Variants in RBM23 observed in about 807,000 individuals in gnomAD.
RBM23 encodes RNA binding motif protein 23, also known as probable RNA-binding protein 23.
Under a neutral mutation model 56.2 loss-of-function variants are expected in RBM23, and 53 were observed. The observed-to-expected ratio is 0.94, with a 90% CI of 0.76 to 1.19. The LOEUF is 1.19. Among genes scored for constraint, RBM23 ranks in the 50% most tolerant of loss-of-function variants. The pLI, the probability that RBM23 is intolerant of heterozygous loss-of-function variation, is 0.00. For synonymous variants in RBM23, 197 were observed against 198.5 expected (o/e 0.99, Z 0.06); for missense variants, 642 against 590.3 (o/e 1.09, Z -0.91).
At chr14:22,909,091 T>A (rs2042049730) in intron 3 of RBM23, among the ~76,000 whole-genome samples, 1 of 152,030 alleles carries the variant, frequency 6.6e-6, no homozygotes, top group Non-Finnish European at 1.5e-5. Flanking sequence ...TACAGGAGCC[T>A]GCCACCGCGC....
intron 1 of RBM23, chr14:22,917,502 T>C (rs1191488315): frequency 6.6e-6 from 1 of 152,218 alleles, no homozygotes; most frequent in African/African-American, 2.4e-5. Flanking sequence ...TTTCTAGATG[T>C]GCTAAAAGCA....
At position 22,905,210 on chromosome 14, in the gene RBM23, G is replaced by GT; in HGVS notation, c.609dup (p.Arg204ThrfsTer4). ...ACGTAGGCAATGCCCTTAGAACGAC[G>GT]TGAGTTCCGATCTGAGATGATACGT... On this transcript the variant is annotated frameshift_variant, in exon 8 of 14. Transcript: ENST00000359890. LOFTEE classifies it high-confidence loss of function. The GT allele has an allele frequency of 5.0e-6, 8 of 1,614,172 alleles. No homozygotes were observed. The highest frequency in any genetic ancestry group is 6.8e-6 in the Non-Finnish European group (8 of 1,180,024).
chr14:22,904,233 TA>T (rs753420792), intron 10 of RBM23, 27 bp downstream of exon 10: 1 of 1,613,708 alleles, frequency 6.2e-7, no homozygotes, highest in Non-Finnish European at 8.5e-7. Context: ...CAAAGTAAAA[TA>T]AAAAAATTAA....
At chr14:22,904,398 C>CTTTTT in intron 9 of RBM23, 72 bp from the exon 10 acceptor site, 2 of 1,015,716 alleles carry the variant, frequency 2.0e-6, no homozygotes, top group Non-Finnish European at 2.8e-6. Context: ...ACCCAGACTG[C>CTTTTT]TTTTTTTTTT....
Position 22,895,372 on chromosome 14 carries a change from AAAAT to A in RBM23, c.*6354_*6357del, listed in dbSNP as rs1185132337. The A allele has an allele frequency of 2.0e-5, 3 of 152,242 alleles. No individual in the cohort carries two copies. Among genetic ancestry groups the A allele is most frequent in the Admixed American group, 6.5e-5 (1 of 15,284 alleles). 9.4% of individuals were successfully genotyped at this position (152,242 alleles called of 1,614,324 possible). A position where few individuals can be genotyped will look rare whatever the true frequency, so the allele number is the denominator to read the frequency against. ...GAAACTCCATCTCAAAGAAAAAATA[AAAAT>A]AAATAAATAAAAAAAATACTTATTC... On this transcript the variant is annotated 3_prime_UTR_variant, in exon 14 of 14. Coordinates refer to ENST00000359890, the MANE Select transcript of RBM23 (RefSeq NM_001077351.2).
At chr14:22,918,451 C>T (rs1020995287) in intron 1 of RBM23, among the ~76,000 whole-genome samples, 1 of 152,014 alleles carries the variant, frequency 6.6e-6, no homozygotes, top group African/African-American at 2.4e-5. Context: ...TCTGCGGGAG[C>T]CAGTGTCCCA....
rs1333475570 is a variant in RBM23, at chr14:22,898,701, T to C, written c.*3029A>G. 6.6e-6 allele frequency: 1 copy of C among 151,612 alleles called. No homozygotes were observed. Among genetic ancestry groups the C allele is most frequent in the South Asian group, 2.1e-4 (1 of 4,792 alleles). 9.4% of individuals were successfully genotyped at this position (151,612 alleles called of 1,614,324 possible). A position where few individuals can be genotyped will look rare whatever the true frequency, so the allele number is the denominator to read the frequency against. ...ACAAGAAAGAACTGAGGTGGAAGGA[T>C]CCGAGTGTAGGAAGGCCAAGGTAGC... On this transcript the variant is annotated 3_prime_UTR_variant, in exon 14 of 14. Transcript: ENST00000359890.
At chr14:22,901,759 A>C in intron 13 of RBM23, 26 bp from the exon 14 acceptor site, 1 of 1,613,962 alleles carries the variant, frequency 6.2e-7, no homozygotes, top group Non-Finnish European at 8.5e-7. Context: ...GTAAATGGGA[A>C]GCCAAAGGAA....
intron 3 of RBM23, 115 bp from the exon 4 acceptor site, chr14:22,908,495 C>T (rs866873048): frequency 1.0e-5 from 12 of 1,151,358 alleles, no homozygotes; most frequent in Middle Eastern, 2.7e-4. Flanking sequence ...CAGGTTCAAG[C>T]GATCCTCATG....
rs1055202007 is a variant in RBM23 at position 22,902,065 on chromosome 14, A to G, written c.1161T>C (p.Ala387=). 6 of 1,612,396 alleles carry G rather than the reference A, an allele frequency of 3.7e-6. No individual in the cohort carries two copies. The South Asian group carries it at 6.6e-5, about 18-fold the overall frequency. ...CAGCCTGGGCGGCGGCGGCAGCAGC[A>G]GCAGCAGCAGTGCTTGGCAGTTGGA... ...AGIQLPSTAA[A]AAAAAAQAAA... The change falls in exon 12 of 14, where the codon GCT becomes GCC. Residue 387 remains alanine (A), a synonymous_variant. Transcript: ENST00000359890.
chr14:22,919,083 AG>A lies in RBM23; in HGVS notation c.-96del, dbSNP rs1450750558. The A allele has an allele frequency of 1.3e-5, 2 of 152,018 alleles. No homozygotes were observed. The highest frequency in any genetic ancestry group is 2.4e-5 in the African/African-American group (1 of 41,360). 9.4% of individuals were successfully genotyped at this position (152,018 alleles called of 1,614,324 possible). A position where few individuals can be genotyped will look rare whatever the true frequency, so the allele number is the denominator to read the frequency against. On this transcript the variant is annotated 5_prime_UTR_variant, in exon 1 of 14. Coordinates refer to ENST00000359890, the MANE Select transcript of RBM23 (RefSeq NM_001077351.2). ...GGAGTGGAGCTCGGATAGTTCCTAGAGTCTAGGCAAGAAAAGCAGCACTGCA... is the reference window on the plus strand; with the variant it reads ...GGAGTGGAGCTCGGATAGTTCCTAGATCTAGGCAAGAAAAGCAGCACTGCA...
Position 22,902,366 on chromosome 14 carries a change from C to T in RBM23, c.947G>A (p.Cys316Tyr), listed in dbSNP as rs2040700002. The T allele has an allele frequency of 6.2e-7, 1 of 1,612,256 alleles. No homozygotes were observed. The highest frequency in any genetic ancestry group is 1.3e-5 in the African/African-American group (1 of 74,866). ...YGFITFSDSE[C>Y]ARRALEQLNG... ...CAACTGTTCCAGGGCCCGCCGGGCA[C>T]ACTCAGAATCAGAGAACTATGAGAA... The change falls in exon 11 of 14, where the codon TGT becomes TAT. Residue 316 changes from cysteine to tyrosine, a missense_variant. By Grantham distance (194) the Cys-to-Tyr change is radical (BLOSUM62 -2). Transcript: ENST00000359890.
intron 1 of RBM23, among the ~76,000 whole-genome samples, chr14:22,913,524 G>A (rs1374167278): frequency 6.6e-6 from 1 of 152,072 alleles, no homozygotes; most frequent in Non-Finnish European, 1.5e-5. Context: ...CACCGTGGGA[G>A]GCCAAGACAG....
chr14:22,916,131 G>A (rs756362157), intron 1 of RBM23, among the ~76,000 whole-genome samples: 1 of 152,158 alleles, frequency 6.6e-6, no homozygotes, highest in Non-Finnish European at 1.5e-5. Context: ...TGGAAGGATC[G>A]CTTGAACCCA....
At chr14:22,903,874 A>G (rs947098437) in intron 10 of RBM23, 11 of 1,158,134 alleles carry the variant, frequency 9.5e-6, no homozygotes, top group African/African-American at 6.4e-5. Flanking sequence ...AGAGGGAAGT[A>G]TAATTTCCTA....
In RBM23 at chr14:22,894,123, G is replaced by A. The variant is rs4982702; in HGVS notation, c.*7607C>T. On this transcript the variant is annotated 3_prime_UTR_variant, in exon 14 of 14. Coordinates refer to ENST00000359890, the MANE Select transcript of RBM23 (RefSeq NM_001077351.2). ...TTTCTCAAGCATTATACAGAGAAGC[G>A]GTGGAAGTAGTAATGCCTTTTGCAA... The A allele has an allele frequency of 0.74, 112,904 of 152,174 alleles. 42,227 individuals carry two copies. The highest frequency in any genetic ancestry group is 0.99 in the East Asian group (5,126 of 5,188). The allele number at this position is 152,174 out of a possible 1,614,324, so 9.4% of individuals were successfully genotyped here.
intron 4 of RBM23, 66 bp downstream of exon 4, chr14:22,908,267 C>T (rs186276295): frequency 8.6e-6 from 13 of 1,517,216 alleles, no homozygotes; most frequent in East Asian, 7.4e-5. Context: ...GTGATCCTCC[C>T]GCCTTGGCTT....
Position 22,902,082 on chromosome 14 carries a change from G to C in RBM23, c.1144C>G (p.Pro382Ala). ...GCAGCAGCAGCAGCAGCAGTGCTTGGCAGTTGGATTCCAGCGCCTAAAAGG... is the reference window on the plus strand; with the variant it reads ...GCAGCAGCAGCAGCAGCAGTGCTTGCCAGTTGGATTCCAGCGCCTAAAAGG... ...KLAEGAGIQL[P>A]STAAAAAAAA... is the part of the protein sequence containing the mutation. The change falls in exon 12 of 14, where the codon CCA (proline) becomes GCA (alanine). Residue 382 changes from proline (P) to alanine (A), a missense_variant. Coordinates refer to ENST00000359890, the MANE Select transcript of RBM23 (RefSeq NM_001077351.2). 1 of 1,610,342 alleles carries C rather than the reference G, an allele frequency of 6.2e-7. No individual in the cohort carries two copies.
chr14:22,909,348 C>T (rs2042084252), intron 3 of RBM23, 135 bp downstream of exon 3: 1 of 721,638 alleles, frequency 1.4e-6, no homozygotes, highest in Non-Finnish European at 2.5e-6. Context: ...CCATTATTCT[C>T]ATGACCTAGG....
Sources: allele counts gnomAD v4.1 joint callset (sites outside exome capture counted in the v4.1 genomes callset), GRCh38; gene constraint gnomAD v4.1.1; transcripts MANE v1.5; gene names NCBI Gene and HGNC (gene_info 2026-07-23, HGNC 2026-07-21).